WDR33: variants seen among roughly 807,000 people sequenced by gnomAD.
WDR33 encodes pre-mRNA 3' end processing protein WDR33.
Under a neutral mutation model 164.9 loss-of-function variants are expected in WDR33, and 47 were observed. That is an observed-to-expected ratio of 0.29 (90% CI 0.23 to 0.36). The LOEUF is 0.36. Among genes scored for constraint, WDR33 ranks in the 10% least tolerant of loss-of-function variants. The pLI is 1.00. For missense variants in WDR33, 1,137 were observed against 1,754.1 expected, an observed-to-expected ratio of 0.65 and a Z score of 6.28; for synonymous variants, 505 against 589.0, an observed-to-expected ratio of 0.86 and a Z score of 2.06.
chr2:127,774,007 C>G, intron 1 of WDR33, among the ~76,000 whole-genome samples: 1 of 149,066 alleles, frequency 6.7e-6, no homozygotes, highest in East Asian at 2.0e-4. Flanking sequence ...TCCAAAAGTG[C>G]TGGGATTACA....
In WDR33 at chr2:127,704,683, C is replaced by CCACAGAA. The variant is rs1685970420; in HGVS notation, c.*1633_*1639dup. 6.0e-6 allele frequency: 1 copy of CCACAGAA among 167,100 alleles called. No individual in the cohort carries two copies. Among genetic ancestry groups the CCACAGAA allele is most frequent in the Non-Finnish European group, 1.5e-5 (1 of 68,130 alleles). 10.4% of individuals were successfully genotyped at this position (167,100 alleles called of 1,614,324 possible). A position where few individuals can be genotyped will look rare whatever the true frequency, so the allele number is the denominator to read the frequency against. On this transcript the variant is annotated 3_prime_UTR_variant, in exon 22 of 22. Transcript: ENST00000322313. ...TGTATATGGCTGACATTTTCTCACT[C>CCACAGAA]CACAGAAATCAATTAGCTTTTGCTG...
chr2:127,805,055 T>G (rs1689382652), intron 1 of WDR33, among the ~76,000 whole-genome samples: 1 of 148,608 alleles, frequency 6.7e-6, no homozygotes, highest in African/African-American at 2.5e-5. Flanking sequence ...TATCATCACC[T>G]GTGAAGTTTT....
intron 1 of WDR33, among the ~76,000 whole-genome samples, chr2:127,806,602 T>C (rs1288216444): frequency 6.6e-6 from 1 of 151,940 alleles, no homozygotes; most frequent in Non-Finnish European, 1.5e-5. Flanking sequence ...TGGTCTTTGT[T>C]CTACCCTAAA....
chr2:127,785,960 G>A (rs1558955668), intron 1 of WDR33, among the ~76,000 whole-genome samples: 3 of 152,212 alleles, frequency 2.0e-5, no homozygotes, highest in Admixed American at 1.3e-4. Context: ...TTGCTGCTCC[G>A]TATCGTTGAC....
intron 1 of WDR33, among the ~76,000 whole-genome samples, chr2:127,806,694 C>T (rs962030165): frequency 7.7e-5 from 11 of 142,498 alleles, no homozygotes; most frequent in African/African-American, 2.2e-4. Flanking sequence ...CCAACTCATT[C>T]GAAAAAAAAA....
In WDR33 at chr2:127,784,907, T is replaced by C. The variant is rs559865521; in HGVS notation, c.-23-13903A>G. 3.3e-5 allele frequency among the ~76,000 whole-genome samples: 5 copies of C among 152,302 alleles called. No individual in the cohort carries two copies. In the South Asian group the frequency reaches 1.0e-3, roughly 32 times the overall value. ...ACCATTGTTCTCATCTTAAAATGTA[T>C]TAATTATTGGGAACCTCAATTTCAC... On this transcript the variant is annotated intron_variant, in intron 1 of 21. Transcript: ENST00000322313.
Position 127,768,949 on chromosome 2 carries a change from G to A in WDR33, c.257C>T (p.Ala86Val). 1 of 1,590,220 alleles carries A rather than the reference G, an allele frequency of 6.3e-7. No individual in the cohort carries two copies. The highest frequency in any genetic ancestry group is 8.6e-7 in the Non-Finnish European group (1 of 1,169,272). ...TGTACTTACATCATTGTAATAACCT[G>A]CATCAGGCTGAATTGCCCGCATATC... Reference protein sequence around the residue: ...QRDMRAIQPDAGYYNDLVPPI... With the variant: ...QRDMRAIQPDVGYYNDLVPPI... The change falls in exon 3 of 22, where the codon GCA becomes GTA. Residue 86 changes from alanine (A) to valine (V), a missense_variant. Ala to Val is a moderately conservative substitution (Grantham distance 64). Coordinates refer to ENST00000322313, the MANE Select transcript of WDR33 (RefSeq NM_018383.5).
At chr2:127,754,016 T>C (rs889268278) in intron 7 of WDR33, among the ~76,000 whole-genome samples, 2 of 152,308 alleles carry the variant, frequency 1.3e-5, no homozygotes, top group African/African-American at 4.8e-5. Context: ...AGTGTATAAA[T>C]ACAAAAAATC....
rs193263301 is a variant in WDR33 at position 127,713,032 on chromosome 2, C to T, written c.3308+551G>A. Among the ~76,000 whole-genome samples, 4 of 152,336 alleles carry T rather than the reference C, an allele frequency of 2.6e-5. No individual in the cohort carries two copies. The highest frequency in any genetic ancestry group is 6.5e-5 in the Admixed American group (1 of 15,300). On this transcript the variant is annotated intron_variant, in intron 18 of 21. Transcript: ENST00000322313. The surrounding 1 kb of genome is among the most constrained non-coding windows in gnomAD (Gnocchi z 6.2). ...TCAGCCACCCAAAGTGCTGGGATTACAGGCGTGAGCCACTGGTCCTGGGCT... is the reference window on the plus strand; with the variant it reads ...TCAGCCACCCAAAGTGCTGGGATTATAGGCGTGAGCCACTGGTCCTGGGCT...
rs1372869099 is a variant in WDR33 at position 127,718,912 on chromosome 2, G to A, written c.2760+353C>T. ...AAGGAGGCATGACAGCCTCAGAGCCGACCACCATGTAAAACATGCTTCCTC... is the reference window on the plus strand; with the variant it reads ...AAGGAGGCATGACAGCCTCAGAGCCAACCACCATGTAAAACATGCTTCCTC... On this transcript the variant is annotated intron_variant, in intron 16 of 21. Coordinates refer to ENST00000322313, the MANE Select transcript of WDR33 (RefSeq NM_018383.5). The surrounding 1 kb of genome is among the most constrained non-coding windows in gnomAD (Gnocchi z 4.4). Among the ~76,000 whole-genome samples the A allele has an allele frequency of 2.0e-5, 3 of 152,174 alleles. No homozygotes were observed. Among genetic ancestry groups the A allele is most frequent in the Admixed American group, 6.5e-5 (1 of 15,278 alleles).
chr2:127,744,016 A>G (rs1369737615), intron 7 of WDR33, among the ~76,000 whole-genome samples: 1 of 152,184 alleles, frequency 6.6e-6, no homozygotes, highest in East Asian at 1.9e-4. Flanking sequence ...ATGGGGCTGG[A>G]GGAAAGACTT....
intron 7 of WDR33, among the ~76,000 whole-genome samples, chr2:127,730,386 C>G (rs1175827769): frequency 6.6e-6 from 1 of 151,524 alleles, no homozygotes; most frequent in Non-Finnish European, 1.5e-5. Context: ...AAATTCTGAC[C>G]TCACATGTCA....
At chr2:127,729,582 G>A (rs972700948) in intron 7 of WDR33, among the ~76,000 whole-genome samples, 3 of 151,096 alleles carry the variant, frequency 2.0e-5, no homozygotes, top group Non-Finnish European at 2.9e-5. Context: ...ACCAACCTCC[G>A]CCTCCCGGGT....
Position 127,764,677 on chromosome 2 carries a change from T to C in WDR33, c.626+151A>G. 1.3e-6 allele frequency: 2 copies of C among 1,589,182 alleles called. No individual in the cohort carries two copies. Among genetic ancestry groups the C allele is most frequent in the Non-Finnish European group, 1.7e-6 (2 of 1,167,012 alleles). Reference sequence around the variant, plus strand: ...AAAGGTGCCAGCAAAATGGTGAATGTGTGAAAACAAAGAAAAATATTGTGT... The same window carrying C: ...AAAGGTGCCAGCAAAATGGTGAATGCGTGAAAACAAAGAAAAATATTGTGT... On this transcript the variant is annotated intron_variant, in intron 6 of 21. Coordinates refer to ENST00000322313, the MANE Select transcript of WDR33 (RefSeq NM_018383.5). The surrounding 1 kb of genome is among the most constrained non-coding windows in gnomAD (Gnocchi z 6.2).
chr2:127,736,959 A>T (rs1020895807), intron 7 of WDR33: 116 of 984,888 alleles, frequency 1.2e-4, no homozygotes, highest in Non-Finnish European at 1.4e-4. Context: ...CAGTTAATTG[A>T]TAACAATTTG....
intron 1 of WDR33, among the ~76,000 whole-genome samples, chr2:127,781,621 A>T (rs1315665539): frequency 6.6e-6 from 1 of 152,166 alleles, no homozygotes; most frequent in Non-Finnish European, 1.5e-5. Context: ...ATTTCTTAAA[A>T]ATGCATGTGA....
chr2:127,810,842 G>A (rs1399674329), intron 1 of WDR33, 170 bp downstream of exon 1: 1 of 152,674 alleles, frequency 6.5e-6, no homozygotes, highest in Non-Finnish European at 1.5e-5. Flanking sequence ...CCTCCCATAA[G>A]TCTCGAACCT....
At chr2:127,711,780 A>ATATTTTTTTTTTTTTTTT in intron 18 of WDR33, among the ~76,000 whole-genome samples, 4 of 88,308 alleles carry the variant, frequency 4.5e-5, no homozygotes, top group South Asian at 4.6e-4. Context: ...ATATATATAT[A>ATATTTTTTTTTTTTTTTT]TTTTTTTTTT....
At chr2:127,781,954 C>T (rs930677277) in intron 1 of WDR33, among the ~76,000 whole-genome samples, 2 of 142,816 alleles carry the variant, frequency 1.4e-5, no homozygotes, top group Non-Finnish European at 3.0e-5. Context: ...GCCAAGATTG[C>T]GCCATTGCAC....
Sources: allele counts gnomAD v4.1 joint callset (sites outside exome capture counted in the v4.1 genomes callset), GRCh38; gene constraint gnomAD v4.1.1; non-coding constraint Gnocchi (gnomAD v3.1); transcripts MANE v1.5; gene names NCBI Gene and HGNC (gene_info 2026-07-23, HGNC 2026-07-21).